RIN2: variants seen among roughly 807,000 people sequenced by gnomAD.
RIN2 encodes RAB5 interacting protein 2.
In RIN2, 36 loss-of-function variants were observed where a neutral mutation model predicts 78.0. The ratio of observed to expected loss-of-function variants is 0.46; its 90% CI spans 0.35 to 0.61. The LOEUF is 0.61. Ranked by LOEUF, RIN2 falls within the 20% of genes least tolerant of loss-of-function variation. The pLI, the probability that RIN2 is intolerant of heterozygous loss-of-function variation, is 0.00. For missense variants in RIN2, 1,087 were observed against 1,159.7 expected (o/e 0.94, Z 0.91); for synonymous variants, 466 against 466.8 (o/e 1.00, Z 0.02).
At chr20:19,991,797 A>G (rs1023437910) in intron 10 of RIN2, among the ~76,000 whole-genome samples, 3 of 152,260 alleles carry the variant, frequency 2.0e-5, no homozygotes, top group Admixed American at 2.0e-4. Context: ...AAGAGGAAGT[A>G]AGACACAAAG....
intron 1 of RIN2, among the ~76,000 whole-genome samples, chr20:19,766,317 A>C (rs1224697534): frequency 1.3e-5 from 2 of 152,208 alleles, no homozygotes; most frequent in African/African-American, 2.4e-5. Context: ...GATCTAAATA[A>C]TACAAATAAC....
chr20:19,994,805 G>T (rs992517989), intron 11 of RIN2, among the ~76,000 whole-genome samples: 1 of 152,134 alleles, frequency 6.6e-6, no homozygotes, highest in Admixed American at 6.6e-5. Context: ...TTTGTTTGTG[G>T]GGCGAATATT....
At chr20:19,884,667 A>C (rs1329142362) in intron 2 of RIN2, among the ~76,000 whole-genome samples, 1 of 152,208 alleles carries the variant, frequency 6.6e-6, no homozygotes, top group African/African-American at 2.4e-5. Context: ...CGAATTGTCA[A>C]GTCTGATCCT....
At chr20:19,991,412 A>G (rs1376743549) in intron 10 of RIN2, among the ~76,000 whole-genome samples, 2 of 152,236 alleles carry the variant, frequency 1.3e-5, no homozygotes, top group Non-Finnish European at 2.9e-5. Context: ...CACTAAAGAC[A>G]TTAATGTAGA....
intron 6 of RIN2, among the ~76,000 whole-genome samples, chr20:19,961,872 A>G (rs370984817): frequency 6.6e-6 from 1 of 152,216 alleles, no homozygotes; most frequent in African/African-American, 2.4e-5. Context: ...ATACATTAGG[A>G]TGCAACCAGA....
rs556447512 is a variant in RIN2, at chr20:19,866,205, G to A, written c.-36-23361G>A. 3.2e-5 allele frequency among the ~76,000 whole-genome samples: 4 copies of A among 124,994 alleles called. No individual in the cohort carries two copies. The East Asian group carries it at 6.9e-4, about 22-fold the overall frequency. 82.0% of individuals were successfully genotyped at this position (124,994 alleles called of 152,430 possible). Reference sequence around the variant, plus strand: ...CCCTTGCATGTGCAGTTCACAATAGGGTTTGTGCTACTATGAGAATCTAAT... The same window carrying A: ...CCCTTGCATGTGCAGTTCACAATAGAGTTTGTGCTACTATGAGAATCTAAT... On this transcript the variant is annotated intron_variant, in intron 2 of 12. Transcript: ENST00000255006.
At chr20:19,867,750 T>G (rs973620021) in intron 2 of RIN2, among the ~76,000 whole-genome samples, 5 of 152,208 alleles carry the variant, frequency 3.3e-5, no homozygotes, top group African/African-American at 1.2e-4. Context: ...ATAGTTTAGT[T>G]AAGATGGTGG....
At chr20:19,916,855 T>C (rs1285305138) in intron 3 of RIN2, among the ~76,000 whole-genome samples, 1 of 152,200 alleles carries the variant, frequency 6.6e-6, no homozygotes, top group Non-Finnish European at 1.5e-5. Flanking sequence ...CCTACACTGC[T>C]TGTGTTGGGT....
At chr20:19,865,427 G>T (rs368372324) in intron 2 of RIN2, among the ~76,000 whole-genome samples, 52 of 151,888 alleles carry the variant, frequency 3.4e-4, no homozygotes, top group African/African-American at 1.2e-3. Flanking sequence ...TACCCTGAGG[G>T]GTCCTTCAGG....
chr20:19,993,892 A>G (rs1332879803), intron 11 of RIN2, among the ~76,000 whole-genome samples: 1 of 152,232 alleles, frequency 6.6e-6, no homozygotes, highest in African/African-American at 2.4e-5. Context: ...ATAAGTATGT[A>G]GAGCTCTTAG....
At chr20:19,767,361 C>T (rs976592825) in intron 1 of RIN2, among the ~76,000 whole-genome samples, 3 of 152,150 alleles carry the variant, frequency 2.0e-5, no homozygotes, top group African/African-American at 4.8e-5. Context: ...GTAGGTCAGA[C>T]AGTTTCTTTA....
chr20:19,897,851 A>G (rs1052997450), intron 3 of RIN2, among the ~76,000 whole-genome samples: 2 of 152,058 alleles, frequency 1.3e-5, no homozygotes, highest in Non-Finnish European at 1.5e-5. Flanking sequence ...AGCTAGGACT[A>G]CAGATGCATG....
intron 5 of RIN2, among the ~76,000 whole-genome samples, chr20:19,959,571 C>T (rs1372029411): frequency 1.3e-5 from 2 of 152,090 alleles, no homozygotes; most frequent in East Asian, 3.9e-4. Flanking sequence ...TACCCATCTT[C>T]CCACCCCCCA....
In RIN2 at chr20:19,923,472, AT is replaced by A. The variant is rs1255609764; in HGVS notation, c.58-11626del. Among the ~76,000 whole-genome samples the A allele has an allele frequency of 2.8e-3, 408 of 143,614 alleles. 1 individual carries two copies. Among genetic ancestry groups the A allele is most frequent in the African/African-American group, 9.7e-3 (368 of 37,898 alleles). 94.2% of individuals were successfully genotyped at this position (143,614 alleles called of 152,430 possible). On this transcript the variant is annotated intron_variant, in intron 3 of 12. Coordinates refer to ENST00000255006, the MANE Select transcript of RIN2 (RefSeq NM_018993.4). Reference sequence around the variant, plus strand: ...AATAAAATAAAATAAAATAAAATAAATAAAATAAAATAAAATAAATATTGGC... The same window carrying A: ...AATAAAATAAAATAAAATAAAATAAAAAAATAAAATAAAATAAATATTGGC...
chr20:19,862,516 T>A (rs1441141616), intron 2 of RIN2, among the ~76,000 whole-genome samples: 1 of 151,944 alleles, frequency 6.6e-6, no homozygotes, highest in East Asian at 1.9e-4. Context: ...TCGCTTAAAC[T>A]CGGGAGGCAG....
At chr20:19,805,829 A>G (rs1433940447) in intron 2 of RIN2, among the ~76,000 whole-genome samples, 2 of 152,064 alleles carry the variant, frequency 1.3e-5, no homozygotes, top group African/African-American at 4.8e-5. Flanking sequence ...TCAACCCGTC[A>G]TCTACATTAG....
chr20:19,905,345 G>A (rs2039172969), intron 3 of RIN2, among the ~76,000 whole-genome samples: 1 of 152,188 alleles, frequency 6.6e-6, no homozygotes, highest in South Asian at 2.1e-4. Flanking sequence ...GGACAAGAGA[G>A]GGGCAGGAGA....
At chr20:19,811,108 C>T (rs1221780410) in intron 2 of RIN2, among the ~76,000 whole-genome samples, 2 of 151,468 alleles carry the variant, frequency 1.3e-5, no homozygotes, top group African/African-American at 2.4e-5. Flanking sequence ...TAGTAACTGT[C>T]GCTTCTTGGT....
At chr20:19,972,058 A>G (rs1279537757) in intron 8 of RIN2, among the ~76,000 whole-genome samples, 3 of 152,014 alleles carry the variant, frequency 2.0e-5, no homozygotes, top group East Asian at 3.9e-4. Flanking sequence ...CTTAGATTGT[A>G]TCTGTAGAAG....
Sources: allele counts gnomAD v4.1 joint callset (sites outside exome capture counted in the v4.1 genomes callset), GRCh38; gene constraint gnomAD v4.1.1; transcripts MANE v1.5; gene names NCBI Gene and HGNC (gene_info 2026-07-23, HGNC 2026-07-21).